The following CAPZB variants were observed in gnomAD, a reference collection of about 807,000 sequenced individuals.
CAPZB encodes capping actin protein of muscle Z-line subunit beta.
Under a neutral mutation model 38.1 loss-of-function variants are expected in CAPZB, and 2 were observed. The ratio of observed to expected loss-of-function variants is 0.05; its 90% CI spans 0.02 to 0.17. The LOEUF (loss-of-function observed/expected upper bound fraction) is 0.17, where lower values mean the gene tolerates loss of function less well. Among genes scored for constraint, CAPZB ranks in the 10% least tolerant of loss-of-function variants. The probability of loss-of-function intolerance (pLI) is 1.00; values close to 1 mark genes in which losing one functional copy is unlikely to be tolerated. For synonymous variants in CAPZB, 107 were observed against 127.4 expected, an observed-to-expected ratio of 0.84 and a Z score of 1.08; for missense variants, 161 against 334.2, an observed-to-expected ratio of 0.48 and a Z score of 4.04.
chr1:19,406,843 T>C (rs12068911), intron 2 of CAPZB, among the ~76,000 whole-genome samples: 2 of 152,176 alleles, frequency 1.3e-5, no homozygotes, highest in African/African-American at 4.8e-5. Flanking sequence ...CAGAACTCCA[T>C]GCAGACAGCT....
chr1:19,419,759 G>A lies in CAPZB; in HGVS notation c.4-9C>T, dbSNP rs767804509. ...TCCAGCTGCTGATCACTCTGTGGAGGGAGAAATACAAGTGCGTCAGTCATT... is the reference window on the plus strand; with the variant it reads ...TCCAGCTGCTGATCACTCTGTGGAGAGAGAAATACAAGTGCGTCAGTCATT... On this transcript the variant is annotated splice_polypyrimidine_tract_variant and intron_variant, in intron 1 of 8. Coordinates refer to ENST00000264202, the MANE Select transcript of CAPZB (RefSeq NM_004930.5). The A allele has an allele frequency of 1.3e-5, 19 of 1,493,976 alleles. No individual in the cohort carries two copies. The Admixed American group carries it at 3.4e-4, about 26-fold the overall frequency. 92.5% of individuals were successfully genotyped at this position (1,493,976 alleles called of 1,614,324 possible). A position where few individuals can be genotyped will look rare whatever the true frequency, so the allele number is the denominator to read the frequency against.
chr1:19,461,129 G>T (rs560663992), intron 1 of CAPZB, among the ~76,000 whole-genome samples: 1 of 152,030 alleles, frequency 6.6e-6, no homozygotes, highest in Non-Finnish European at 1.5e-5. Context: ...AGCACAGCAC[G>T]TGGCTCATGG....
At chr1:19,463,295 C>T (rs969639139) in intron 1 of CAPZB, among the ~76,000 whole-genome samples, 9 of 152,110 alleles carry the variant, frequency 5.9e-5, no homozygotes, top group African/African-American at 1.4e-4. Flanking sequence ...TCACTTGTGC[C>T]GCTCTTCTCC....
chr1:19,463,029 T>A lies in CAPZB; in HGVS notation c.3+22407A>T, dbSNP rs531653662. Reference sequence around the variant, plus strand: ...ACAGCACAGCTGCAAAGAGAAGATATCATTAATGTGTAATTTCTGTTCTCA... The same window carrying A: ...ACAGCACAGCTGCAAAGAGAAGATAACATTAATGTGTAATTTCTGTTCTCA... On this transcript the variant is annotated intron_variant, in intron 1 of 8. Transcript: ENST00000264202. Among the ~76,000 whole-genome samples, 112 of 152,290 alleles carry A rather than the reference T, an allele frequency of 7.4e-4. 1 individual carries two copies. Among genetic ancestry groups the A allele is most frequent in the African/African-American group, 2.5e-3 (105 of 41,548 alleles).
At chr1:19,422,594 G>A (rs895268797) in intron 1 of CAPZB, among the ~76,000 whole-genome samples, 2 of 152,010 alleles carry the variant, frequency 1.3e-5, no homozygotes, top group Non-Finnish European at 2.9e-5. Context: ...AAAATTAGCC[G>A]GGCGTGGTGG....
intron 2 of CAPZB, among the ~76,000 whole-genome samples, chr1:19,414,177 A>G (rs2094369309): frequency 6.6e-6 from 1 of 152,060 alleles, no homozygotes; most frequent in African/African-American, 2.4e-5. Flanking sequence ...CAGCCTTCTC[A>G]TCTGTCAAAT....
intron 1 of CAPZB, among the ~76,000 whole-genome samples, chr1:19,437,429 C>T (rs1000495188): frequency 6.6e-6 from 1 of 152,192 alleles, no homozygotes; most frequent in African/African-American, 2.4e-5. Flanking sequence ...AGGAGACACA[C>T]CTTCCCAAAT....
intron 2 of CAPZB, among the ~76,000 whole-genome samples, chr1:19,405,297 C>T (rs576791356): frequency 9.5e-4 from 144 of 152,146 alleles, no homozygotes; most frequent in African/African-American, 3.1e-3. Flanking sequence ...CATGGCATCC[C>T]GCAGGTGCTC....
At chr1:19,396,786 CA>C (rs35949767) in intron 2 of CAPZB, among the ~76,000 whole-genome samples, 66,468 of 121,294 alleles carry the variant, frequency 0.55, 16,561 homozygotes, top group Middle Eastern at 0.62. Context: ...AATAAAAATA[CA>C]AAAAAAAAAA....
rs143693045 is a variant in CAPZB at position 19,394,581 on chromosome 1, C to T, written c.94-8955G>A. 1.8e-3 allele frequency among the ~76,000 whole-genome samples: 269 copies of T among 152,172 alleles called. 3 individuals carry two copies. Among genetic ancestry groups the T allele is most frequent in the African/African-American group, 6.1e-3 (252 of 41,520 alleles). The stretch of plus-strand genomic sequence containing the variant: ...ACTAAAAATACAAAAATTAGCCGGG[C>T]GTGGTGGCGCAGGCCTGTAATCAGC... On this transcript the variant is annotated intron_variant, in intron 2 of 8. Transcript: ENST00000264202.
At position 19,443,664 on chromosome 1, in the gene CAPZB, A is replaced by G. The variant is rs185138750; in HGVS notation, c.4-23914T>C. ...AAAAAGACAACAGGTTTGATGTGAC[A>G]CTCAGTGTCTCCGGTGTGCCAGGCA... On this transcript the variant is annotated intron_variant, in intron 1 of 8. Transcript: ENST00000264202. 1.8e-3 allele frequency among the ~76,000 whole-genome samples: 272 copies of G among 152,296 alleles called. 1 individual carries two copies. Among genetic ancestry groups the G allele is most frequent in the African/African-American group, 6.3e-3 (263 of 41,566 alleles).
rs535654272 is a variant in CAPZB at position 19,417,579 on chromosome 1, C to T, written c.93+2082G>A. Among the ~76,000 whole-genome samples the T allele has an allele frequency of 5.3e-5, 8 of 152,266 alleles. No homozygotes were observed. The East Asian group carries it at 1.4e-3, about 26-fold the overall frequency. ...ACTGATGAGAGTTTAAATATGGCTG[C>T]GCATGAGGCACTGCATACAAGTTCA... On this transcript the variant is annotated intron_variant, in intron 2 of 8. Transcript: ENST00000264202.
chr1:19,451,985 G>A (rs370266634), intron 1 of CAPZB, among the ~76,000 whole-genome samples: 2 of 151,840 alleles, frequency 1.3e-5, no homozygotes, highest in African/African-American at 2.4e-5. Flanking sequence ...CTCCACCCAA[G>A]TACCAACCCT....
chr1:19,366,297 TA>T (rs2094086533), intron 4 of CAPZB, among the ~76,000 whole-genome samples: 1 of 122,818 alleles, frequency 8.1e-6, no homozygotes, highest in Admixed American at 9.4e-5. Flanking sequence ...TATATATATA[TA>T]TATATATATA....
At chr1:19,407,663 C>T (rs1314648528) in intron 2 of CAPZB, among the ~76,000 whole-genome samples, 7 of 152,176 alleles carry the variant, frequency 4.6e-5, no homozygotes, top group Middle Eastern at 3.2e-3. Context: ...GGCTGCAAGG[C>T]TGGCTTGTCC....
At chr1:19,458,319 T>C (rs1283252809) in intron 1 of CAPZB, among the ~76,000 whole-genome samples, 2 of 145,944 alleles carry the variant, frequency 1.4e-5, no homozygotes, top group African/African-American at 5.0e-5. Context: ...TTAATACTTT[T>C]ATGAAAGTAT....
chr1:19,380,834 C>T (rs996535370), intron 3 of CAPZB, among the ~76,000 whole-genome samples: 1 of 152,002 alleles, frequency 6.6e-6, no homozygotes, highest in African/African-American at 2.4e-5. Flanking sequence ...AGAACAGTGC[C>T]TGGCACTCAA....
At chr1:19,427,510 T>C (rs1170276548) in intron 1 of CAPZB, among the ~76,000 whole-genome samples, 2 of 152,226 alleles carry the variant, frequency 1.3e-5, no homozygotes, top group Non-Finnish European at 2.9e-5. Flanking sequence ...TGTTTAAACG[T>C]CGAATCTGTT....
chr1:19,371,565 A>G (rs1426313766), intron 4 of CAPZB, among the ~76,000 whole-genome samples: 1 of 152,128 alleles, frequency 6.6e-6, no homozygotes, highest in African/African-American at 2.4e-5. Context: ...TCCAGTCCAA[A>G]GCTCTTTAAA....
Sources: gnomAD v4.1 joint callset for allele counts (sites outside exome capture counted in the v4.1 genomes callset) on GRCh38, gnomAD v4.1.1 for gene constraint, MANE v1.5 for transcripts, NCBI Gene and HGNC (gene_info 2026-07-23, HGNC 2026-07-21) for gene names.